Variants in ACAD10 observed in about 807,000 individuals in gnomAD.
ACAD10 encodes ACAD-10.
ACAD10 carries 112 observed loss-of-function variants against 116.8 expected under a neutral mutation model. The ratio of observed to expected loss-of-function variants is 0.96; its 90% CI spans 0.82 to 1.12. ACAD10 has a LOEUF of 1.12. Ranked by LOEUF, ACAD10 falls within the 50% of genes most tolerant of loss-of-function variation. ACAD10 has a pLI of 0.00. For synonymous variants in ACAD10, 486 were observed against 510.6 expected (o/e 0.95, Z 0.65); for missense variants, 1,259 against 1,350.2 (o/e 0.93, Z 1.06).
Position 111,728,069 on chromosome 12 carries a change from C to A in ACAD10, c.1169C>A (p.Ala390Asp), listed in dbSNP as rs749480203. 1 of 1,614,136 alleles carries A rather than the reference C, an allele frequency of 6.2e-7. No homozygotes were observed. Among genetic ancestry groups the A allele is most frequent in the Non-Finnish European group, 8.5e-7 (1 of 1,180,016 alleles). Residue 390 changes from alanine (A) to aspartate (D), a missense_variant, in exon 9 of 21, where the codon GCC (alanine) becomes GAC (aspartate). Coordinates refer to ENST00000313698, the MANE Select transcript of ACAD10 (RefSeq NM_025247.6). ...EPSHRRAIYTAMNTVLCKIHS... is the reference protein window; with the variant it reads ...EPSHRRAIYTDMNTVLCKIHS... ...AGCCACAGACGAGCCATATACACTG[C>A]CATGAACACAGTCCTGTGCAAAATT...
chr12:111,733,866 T>G (rs1053365051), intron 10 of ACAD10, 57 bp from the exon 11 acceptor site: 21 of 1,608,972 alleles, frequency 1.3e-5, no homozygotes, highest in Admixed American at 1.7e-5. Flanking sequence ...CCACGCAGAA[T>G]CCACCCTAGC....
intron 18 of ACAD10, among the ~76,000 whole-genome samples, chr12:111,750,853 T>G (rs1346376144): frequency 1.3e-5 from 2 of 152,204 alleles, no homozygotes; most frequent in African/African-American, 4.8e-5. Flanking sequence ...TCACAAGAAC[T>G]GCTATTGAAA....
chr12:111,693,017 C>G, intron 2 of ACAD10, 121 bp downstream of exon 2: 1 of 1,159,840 alleles, frequency 8.6e-7, no homozygotes, highest in Non-Finnish European at 1.2e-6. Context: ...CATGCTCTGG[C>G]TCTCGAGTCG....
intron 7 of ACAD10, among the ~76,000 whole-genome samples, chr12:111,721,188 A>T (rs1414051472): frequency 6.6e-6 from 1 of 152,112 alleles, no homozygotes; most frequent in South Asian, 2.1e-4. Context: ...TGTTTGTCCC[A>T]TCATTTTTTT....
At chr12:111,745,173 A>AT in intron 13 of ACAD10, 130 bp downstream of exon 13, 1 of 1,069,508 alleles carries the variant, frequency 9.4e-7, no homozygotes, top group Non-Finnish European at 1.3e-6. Flanking sequence ...CTTTGCTTCC[A>AT]TCGTCTCAGA....
At chr12:111,719,349 GT>G (rs899247598) in intron 7 of ACAD10, among the ~76,000 whole-genome samples, 1 of 151,962 alleles carries the variant, frequency 6.6e-6, no homozygotes, top group Non-Finnish European at 1.5e-5. Flanking sequence ...CACCTCCTGG[GT>G]TCAAGCAATT....
intron 2 of ACAD10, among the ~76,000 whole-genome samples, chr12:111,698,274 A>G (rs1183995410): frequency 6.9e-6 from 1 of 144,762 alleles, no homozygotes; most frequent in African/African-American, 2.6e-5. Context: ...CTGGGATTAT[A>G]GGCACAAGCC....
At chr12:111,744,124 G>A (rs1191443319) in intron 12 of ACAD10, among the ~76,000 whole-genome samples, 3 of 152,150 alleles carry the variant, frequency 2.0e-5, no homozygotes, top group East Asian at 1.9e-4. Context: ...AGAAAGAGAC[G>A]CTGTGAGAGC....
At position 111,721,669 on chromosome 12, in the gene ACAD10, A is replaced by G. The variant is rs182604657; in HGVS notation, c.993-2A>G. On this transcript the variant is annotated splice_acceptor_variant, in intron 7 of 20. Coordinates refer to ENST00000313698, the MANE Select transcript of ACAD10 (RefSeq NM_025247.6). LOFTEE classifies it high-confidence loss of function. The stretch of plus-strand genomic sequence containing the variant: ...TTTGTTTATTTTCATTTGTCCTTGC[A>G]GGATTATGAAAGCCCTTGCAAATGC... 1.3e-5 allele frequency: 20 copies of G among 1,598,560 alleles called. No individual in the cohort carries two copies. In the African/African-American group the frequency reaches 2.7e-4, roughly 21 times the overall value.
intron 10 of ACAD10, among the ~76,000 whole-genome samples, chr12:111,730,443 G>C (rs970390684): frequency 2.6e-5 from 4 of 151,674 alleles, no homozygotes; most frequent in Non-Finnish European, 5.9e-5. Flanking sequence ...TGTAATGAAA[G>C]GATTGAAAGA....
intron 12 of ACAD10, among the ~76,000 whole-genome samples, chr12:111,741,736 A>G (rs1478711007): frequency 3.3e-5 from 5 of 152,222 alleles, no homozygotes; most frequent in African/African-American, 1.2e-4. Flanking sequence ...GAAAAAACCA[A>G]CTATACAAAC....
In ACAD10 at chr12:111,721,738, A is replaced by G; in HGVS notation, c.1060A>G (p.Ser354Gly). 1 of 1,595,848 alleles carries G rather than the reference A, an allele frequency of 6.3e-7. No homozygotes were observed. Among genetic ancestry groups the G allele is most frequent in the South Asian group, 1.1e-5 (1 of 89,306 alleles). The change falls in exon 8 of 21, where the codon AGT becomes GGT. Residue 354 changes from serine to glycine, a missense_variant and splice_region_variant. Coordinates refer to ENST00000313698, the MANE Select transcript of ACAD10 (RefSeq NM_025247.6). ...PNVLDLCEDS[S>G]VIGTPFYVME... ...CGTTCTTGATCTCTGTGAAGATTCA[A>G]GGTAAAGTTCAGATGTTTTTGCTAT...
At chr12:111,701,188 T>C (rs957827356) in intron 2 of ACAD10, among the ~76,000 whole-genome samples, 1 of 152,170 alleles carries the variant, frequency 6.6e-6, no homozygotes, top group Admixed American at 6.5e-5. Flanking sequence ...TAAAGTGTAT[T>C]TTGTCTTAGA....
chr12:111,727,575 G>A lies in ACAD10; in HGVS notation c.1062-387G>A, dbSNP rs761283187. Among the ~76,000 whole-genome samples, 9 of 152,016 alleles carry A rather than the reference G, an allele frequency of 5.9e-5. 1 individual carries two copies. Among genetic ancestry groups the A allele is most frequent in the Admixed American group, 5.9e-4 (9 of 15,242 alleles). On this transcript the variant is annotated intron_variant, in intron 8 of 20. Transcript: ENST00000313698. ...TAAACAAAAAATAAAAACCTGGTTC[G>A]GTGTGACTCCAGAGGTCCTTCTCTG... is the stretch of plus-strand genomic sequence containing the variant.
intron 3 of ACAD10, 112 bp downstream of exon 3, chr12:111,702,422 C>A: frequency 7.1e-7 from 1 of 1,405,000 alleles, no homozygotes; most frequent in Non-Finnish European, 9.7e-7. Context: ...CCTAATAACC[C>A]ATTACATGTT....
rs558209499 is a variant in ACAD10 at position 111,733,859 on chromosome 12, C to T, written c.1395-64C>T. The T allele has an allele frequency of 3.7e-5, 60 of 1,604,730 alleles. No homozygotes were observed. In the East Asian group the frequency reaches 6.2e-4, roughly 17 times the overall value. ...CCAAGCCTAAAGGGCAAACAGACCA[C>T]GCAGAATCCACCCTAGCCGGCAGTT... On this transcript the variant is annotated intron_variant, in intron 10 of 20. Coordinates refer to ENST00000313698, the MANE Select transcript of ACAD10 (RefSeq NM_025247.6).
At chr12:111,726,246 T>C (rs914593166) in intron 8 of ACAD10, among the ~76,000 whole-genome samples, 3 of 152,036 alleles carry the variant, frequency 2.0e-5, no homozygotes, top group Admixed American at 6.6e-5. Flanking sequence ...AGAGTGAGAC[T>C]CCATCTCAAA....
At chr12:111,687,871 T>C (rs1172389605) in intron 1 of ACAD10, among the ~76,000 whole-genome samples, 1 of 152,082 alleles carries the variant, frequency 6.6e-6, no homozygotes, top group Non-Finnish European at 1.5e-5. Flanking sequence ...ACAAACCTTT[T>C]TTTTTTTTTG....
At chr12:111,748,630 C>T (rs1889984320) in intron 17 of ACAD10, 155 bp downstream of exon 17, 3 of 803,940 alleles carry the variant, frequency 3.7e-6, no homozygotes, top group Non-Finnish European at 5.8e-6. Context: ...CATTTCCATA[C>T]ATGAATATCA....
Sources: gnomAD v4.1 joint callset for allele counts (sites outside exome capture counted in the v4.1 genomes callset) on GRCh38, gnomAD v4.1.1 for gene constraint, MANE v1.5 for transcripts, NCBI Gene and HGNC (gene_info 2026-07-23, HGNC 2026-07-21) for gene names.